PTGER3: variants seen among roughly 807,000 people sequenced by gnomAD.
PTGER3 encodes the protein prostaglandin E receptor 3, also known as prostaglandin E2 receptor EP3 subtype.
Under a neutral mutation model 34.7 loss-of-function variants are expected in PTGER3, and 22 were observed. That is an observed-to-expected ratio of 0.63 (90% CI 0.45 to 0.91). The LOEUF (loss-of-function observed/expected upper bound fraction) is 0.91. Ranked by LOEUF, PTGER3 falls within the 40% of genes least tolerant of loss-of-function variation. The probability of loss-of-function intolerance (pLI) is 0.00; values close to 1 mark genes in which losing one functional copy is unlikely to be tolerated. For missense variants in PTGER3, 468 were observed against 519.4 expected (o/e 0.90, Z 0.96); for synonymous variants, 241 against 230.1 (o/e 1.05, Z -0.43).
rs5700 is a variant in PTGER3 at position 70,952,684 on chromosome 1, A to T, written c.*223T>A. ...TTCTGAACCATGTGCTATTCTTACT[A>T]TAAGTCTAAATTGGGTAGTTCGAGT... is the stretch of plus-strand genomic sequence containing the variant. On this transcript the variant is annotated 3_prime_UTR_variant, in exon 4 of 4. Transcript: ENST00000356595. 3.8e-4 allele frequency: 449 copies of T among 1,171,200 alleles called. 1 individual carries two copies. The African/African-American group carries it at 6.6e-3, about 17-fold the overall frequency. 72.6% of individuals were successfully genotyped at this position (1,171,200 alleles called of 1,614,324 possible).
chr1:70,937,331 A>G (rs576370389), intron 4 of PTGER3, among the ~76,000 whole-genome samples: 2 of 152,338 alleles, frequency 1.3e-5, no homozygotes, highest in African/African-American at 4.8e-5. Flanking sequence ...AACATTCCCA[A>G]TAAACCATTT....
rs529433859 is a variant in PTGER3 at position 71,032,104 on chromosome 1, A to G, written c.897+14577T>C. ...TTATAAAGAAAAAGCTGGTTGCCAG[A>G]ATAACATAAAACCCAGACTACAACT... On this transcript the variant is annotated intron_variant, in intron 1 of 3. Coordinates refer to ENST00000306666, the MANE Select transcript of PTGER3 (RefSeq NM_198719.2). 9.2e-5 allele frequency among the ~76,000 whole-genome samples: 14 copies of G among 152,360 alleles called. No individual in the cohort carries two copies. In the South Asian group the frequency reaches 1.2e-3, roughly 14 times the overall value.
In PTGER3 at chr1:71,047,661, G is replaced by C. The variant is rs536346357; in HGVS notation, c.-84C>G. The C allele has an allele frequency of 2.2e-3, 3,161 of 1,418,792 alleles. 3 individuals carry two copies. Among genetic ancestry groups the C allele is most frequent in the Non-Finnish European group, 2.8e-3 (3,051 of 1,071,620 alleles). The allele number at this position is 1,418,792 out of a possible 1,614,324, so 87.9% of individuals were successfully genotyped here. On this transcript the variant is annotated 5_prime_UTR_variant, in exon 1 of 4. Transcript: ENST00000306666. ...CGCGGCGCGGGCGGCGGCGGAGGTC[G>C]GCGTTTACCGCGGCTGGGGCTGGGC...
intron 4 of PTGER3, among the ~76,000 whole-genome samples, chr1:70,879,127 A>G (rs1365241047): frequency 1.3e-5 from 2 of 152,084 alleles, no homozygotes; most frequent in African/African-American, 4.8e-5. Context: ...GTCTGTAAGT[A>G]TTTGCTTTAT....
chr1:70,878,661 A>G (rs530562965), intron 4 of PTGER3, among the ~76,000 whole-genome samples: 2 of 152,266 alleles, frequency 1.3e-5, no homozygotes, highest in South Asian at 2.1e-4. Context: ...AGATTCTGGT[A>G]TATTGTATCT....
chr1:70,981,765 G>T (rs368169079), intron 2 of PTGER3, among the ~76,000 whole-genome samples: 5 of 151,988 alleles, frequency 3.3e-5, no homozygotes, highest in African/African-American at 1.2e-4. Flanking sequence ...CATAAGTTTT[G>T]ATCTATTTCC....
chr1:70,853,215 A>T (rs1400264951), intron 4 of PTGER3, among the ~76,000 whole-genome samples: 2 of 152,230 alleles, frequency 1.3e-5, no homozygotes, highest in African/African-American at 4.8e-5. Flanking sequence ...AGATAAGATT[A>T]AAAAACTGCT....
At chr1:70,890,089 CT>C (rs1187123304) in intron 4 of PTGER3, among the ~76,000 whole-genome samples, 1 of 152,146 alleles carries the variant, frequency 6.6e-6, no homozygotes, top group Non-Finnish European at 1.5e-5. Flanking sequence ...ATGATTACGG[CT>C]TAGTCTTTTA....
At chr1:70,962,473 G>T (rs936255768) in intron 2 of PTGER3, among the ~76,000 whole-genome samples, 12 of 151,740 alleles carry the variant, frequency 7.9e-5, no homozygotes, top group Admixed American at 2.0e-4. Context: ...ACCTGAGACT[G>T]GGCAATCTAT....
chr1:70,906,578 T>A (rs1646953159), intron 4 of PTGER3, among the ~76,000 whole-genome samples: 1 of 152,236 alleles, frequency 6.6e-6, no homozygotes, highest in Admixed American at 6.5e-5. Flanking sequence ...TATAGTAATT[T>A]TATAATTTGT....
At chr1:70,960,670 A>G (rs1651841863) in intron 2 of PTGER3, among the ~76,000 whole-genome samples, 1 of 152,148 alleles carries the variant, frequency 6.6e-6, no homozygotes, top group Non-Finnish European at 1.5e-5. Context: ...ATAATAAAGA[A>G]TCCTTGCTAT....
intron 2 of PTGER3, among the ~76,000 whole-genome samples, chr1:70,958,056 G>T (rs1430715252): frequency 6.6e-6 from 1 of 152,108 alleles, no homozygotes; most frequent in African/African-American, 2.4e-5. Flanking sequence ...GTGTCTGCAT[G>T]TGTGTGTGTT....
intron 1 of PTGER3, among the ~76,000 whole-genome samples, chr1:71,032,276 T>C (rs1005466680): frequency 6.6e-6 from 1 of 152,094 alleles, no homozygotes; most frequent in East Asian, 1.9e-4. Context: ...TGAGCCTGAA[T>C]CTGGAAAATT....
At chr1:71,045,558 T>C (rs2101011560) in intron 1 of PTGER3, among the ~76,000 whole-genome samples, 1 of 152,276 alleles carries the variant, frequency 6.6e-6, no homozygotes, top group East Asian at 1.9e-4. Context: ...CACACGGACA[T>C]TTCTAGCTAA....
At chr1:70,923,917 A>G (rs1647795635) in intron 4 of PTGER3, among the ~76,000 whole-genome samples, 1 of 152,178 alleles carries the variant, frequency 6.6e-6, no homozygotes, top group South Asian at 2.1e-4. Context: ...TATTTTACCA[A>G]GGCTTTTACC....
intron 4 of PTGER3, among the ~76,000 whole-genome samples, chr1:70,881,300 T>A (rs1444809667): frequency 1.3e-5 from 2 of 152,174 alleles, no homozygotes; most frequent in Admixed American, 1.3e-4. Context: ...TTATCTTTCA[T>A]CTCCTGTATT....
intron 4 of PTGER3, among the ~76,000 whole-genome samples, chr1:70,943,652 T>A (rs1649952419): frequency 6.6e-6 from 1 of 151,932 alleles, no homozygotes; most frequent in Non-Finnish European, 1.5e-5. Flanking sequence ...TGGACAAGAG[T>A]GGTCACTAGA....
intron 4 of PTGER3, among the ~76,000 whole-genome samples, chr1:70,936,279 G>A (rs1302326279): frequency 2.6e-5 from 4 of 152,150 alleles, no homozygotes; most frequent in Non-Finnish European, 1.5e-5. Flanking sequence ...GCACACTACA[G>A]CCATAGCTGC....
chr1:70,960,950 T>A (rs530506881), intron 2 of PTGER3, among the ~76,000 whole-genome samples: 5 of 152,192 alleles, frequency 3.3e-5, no homozygotes, highest in African/African-American at 1.2e-4. Flanking sequence ...TCACCAGAGG[T>A]CTTCTAAAAC....
Sources: gnomAD v4.1 joint callset for allele counts (sites outside exome capture counted in the v4.1 genomes callset) on GRCh38, gnomAD v4.1.1 for gene constraint, MANE v1.5 for transcripts, NCBI Gene and HGNC (gene_info 2026-07-23, HGNC 2026-07-21) for gene names.